Variants in HS3ST4 observed in about 807,000 individuals in gnomAD.
HS3ST4 encodes heparan sulfate-glucosamine 3-sulfotransferase 4, also known as heparan sulfate glucosamine 3-O-sulfotransferase 4.
A neutral mutation model predicts 29.2 loss-of-function variants in HS3ST4; 17 were observed. That is an observed-to-expected ratio of 0.58 (90% confidence interval 0.40 to 0.87). HS3ST4 has a LOEUF of 0.87. Ranked by LOEUF, HS3ST4 falls within the 40% of genes least tolerant of loss-of-function variation. The pLI, the probability that HS3ST4 is intolerant of heterozygous loss-of-function variation, is 0.00. For missense variants in HS3ST4, 627 were observed against 634.5 expected (o/e 0.99, Z 0.13); for synonymous variants, 314 against 285.7 (o/e 1.10, Z -1.00).
chr16:25,811,120 A>G (rs967074837), intron 1 of HS3ST4, among the ~76,000 whole-genome samples: 1 of 152,218 alleles, frequency 6.6e-6, no homozygotes, highest in Admixed American at 6.5e-5. Context: ...AAAATTTCAC[A>G]AATGACTACA....
intron 1 of HS3ST4, among the ~76,000 whole-genome samples, chr16:26,026,457 G>A (rs1475492216): frequency 7.9e-5 from 12 of 152,088 alleles, no homozygotes; most frequent in Admixed American, 7.9e-4. Context: ...CCAATGATCT[G>A]GTTATTCCTA....
intron 1 of HS3ST4, among the ~76,000 whole-genome samples, chr16:26,057,989 A>G (rs758675709): frequency 6.6e-6 from 1 of 150,764 alleles, no homozygotes; most frequent in Non-Finnish European, 1.5e-5. Context: ...GAGAGAATTA[A>G]AATCGAGTTT....
Position 26,084,844 on chromosome 16 carries a change from A to C in HS3ST4, c.735-50768A>C, listed in dbSNP as rs138341573. Reference sequence around the variant, plus strand: ...AGGCTGATCTCAAAATTCTGACCTCAAGTGTTCCCCCTGCCTCAGCCTCCC... The same window carrying C: ...AGGCTGATCTCAAAATTCTGACCTCCAGTGTTCCCCCTGCCTCAGCCTCCC... On this transcript the variant is annotated intron_variant, in intron 1 of 1. Coordinates refer to ENST00000331351, the MANE Select transcript of HS3ST4 (RefSeq NM_006040.3). Among the ~76,000 whole-genome samples the C allele has an allele frequency of 4.1e-3, 619 of 152,000 alleles. 6 individuals carry two copies. Among genetic ancestry groups the C allele is most frequent in the African/African-American group, 0.014 (597 of 41,454 alleles).
intron 1 of HS3ST4, among the ~76,000 whole-genome samples, chr16:25,787,972 G>C (rs535392998): frequency 6.6e-6 from 1 of 152,276 alleles, no homozygotes; most frequent in South Asian, 2.1e-4. Context: ...GAATGTTAAA[G>C]CTGGAAGTGG....
intron 1 of HS3ST4, among the ~76,000 whole-genome samples, chr16:25,976,115 G>A (rs1353279741): frequency 6.6e-6 from 1 of 152,156 alleles, no homozygotes; most frequent in Admixed American, 6.5e-5. Context: ...ATGTAAAACT[G>A]TACCCTCAAC....
chr16:25,836,866 A>G (rs571193857), intron 1 of HS3ST4, among the ~76,000 whole-genome samples: 4 of 152,266 alleles, frequency 2.6e-5, no homozygotes, highest in Non-Finnish European at 5.9e-5. Context: ...TTTATAGTTA[A>G]GGTGACTTCA....
Position 26,136,615 on chromosome 16 carries a change from G to T in HS3ST4, c.*367G>T. On this transcript the variant is annotated 3_prime_UTR_variant, in exon 2 of 2. Coordinates refer to ENST00000331351, the MANE Select transcript of HS3ST4 (RefSeq NM_006040.3). ...CGACAAAAAAGGTCTGCTTTATAGG[G>T]GTTCTCACTCTAGCTTGGGGAGCCA... 1 of 234,630 alleles carries T rather than the reference G, an allele frequency of 4.3e-6. No individual in the cohort carries two copies. The highest frequency in any genetic ancestry group is 8.4e-6 in the Non-Finnish European group (1 of 119,654). The allele number at this position is 234,630 out of a possible 1,614,324, so 14.5% of individuals were successfully genotyped here. A position where few individuals can be genotyped will look rare whatever the true frequency, so the allele number is the denominator to read the frequency against.
intron 1 of HS3ST4, among the ~76,000 whole-genome samples, chr16:25,898,525 A>G (rs1461742402): frequency 6.6e-6 from 1 of 152,224 alleles, no homozygotes; most frequent in Non-Finnish European, 1.5e-5. Flanking sequence ...CATATAGTAT[A>G]CCACGTATGC....
chr16:25,810,390 G>A (rs1000978162), intron 1 of HS3ST4, among the ~76,000 whole-genome samples: 2 of 152,088 alleles, frequency 1.3e-5, no homozygotes, highest in African/African-American at 2.4e-5. Context: ...ATGCCCTTTT[G>A]TAATGAATAT....
intron 1 of HS3ST4, among the ~76,000 whole-genome samples, chr16:25,911,157 G>A (rs780052821): frequency 5.3e-5 from 8 of 152,114 alleles, no homozygotes; most frequent in Non-Finnish European, 1.0e-4. Flanking sequence ...CTCTGAGGCC[G>A]AGTCAACCAG....
intron 1 of HS3ST4, among the ~76,000 whole-genome samples, chr16:25,822,524 A>G (rs1040791665): frequency 6.6e-6 from 1 of 152,148 alleles, no homozygotes; most frequent in African/African-American, 2.4e-5. Flanking sequence ...TTGTGATGAT[A>G]CAAGGACTTC....
chr16:25,692,317 G>A lies in HS3ST4; in HGVS notation c.-101G>A, dbSNP rs1966255741. ...GGGGCGGCTGGGCAGCGGCGGCGGC[G>A]GCGGCGGCGGCGGCGGCGGCGGGGG... On this transcript the variant is annotated 5_prime_UTR_variant, in exon 1 of 2. Transcript: ENST00000331351. The A allele has an allele frequency of 6.6e-6, 1 of 151,700 alleles. No individual in the cohort carries two copies. Among genetic ancestry groups the A allele is most frequent in the Non-Finnish European group, 1.3e-5 (1 of 74,944 alleles). The allele number at this position is 151,700 out of a possible 1,614,324, so 9.4% of individuals were successfully genotyped here. A position where few individuals can be genotyped will look rare whatever the true frequency, so the allele number is the denominator to read the frequency against.
At chr16:25,905,209 G>T (rs984238644) in intron 1 of HS3ST4, among the ~76,000 whole-genome samples, 4 of 152,166 alleles carry the variant, frequency 2.6e-5, no homozygotes, top group Non-Finnish European at 5.9e-5. Flanking sequence ...TGTAGGGAAG[G>T]CCATGCTGGG....
chr16:25,843,183 G>A (rs12149800), intron 1 of HS3ST4, among the ~76,000 whole-genome samples: 10,495 of 152,162 alleles, frequency 0.069, 441 homozygotes, highest in East Asian at 0.14. Flanking sequence ...ACAGTTGTGT[G>A]GGTTACTTTG....
chr16:25,713,286 T>C (rs1480056359), intron 1 of HS3ST4, among the ~76,000 whole-genome samples: 1 of 151,974 alleles, frequency 6.6e-6, no homozygotes, highest in African/African-American at 2.4e-5. Context: ...CCCAGCACTT[T>C]GGGGGCTGAG....
At chr16:26,103,674 C>T (rs527723789) in intron 1 of HS3ST4, among the ~76,000 whole-genome samples, 1 of 152,234 alleles carries the variant, frequency 6.6e-6, no homozygotes, top group South Asian at 2.1e-4. Flanking sequence ...TCAAAATCTC[C>T]CCAGCTTAAT....
intron 1 of HS3ST4, chr16:25,826,121 C>T (rs966404549): frequency 6.6e-6 from 1 of 152,166 alleles, no homozygotes; most frequent in African/African-American, 2.4e-5. Context: ...CTTGTTTTTT[C>T]CTAGAACTTG....
At position 25,758,866 on chromosome 16, in the gene HS3ST4, G is replaced by A. The variant is rs140945001; in HGVS notation, c.734+65715G>A. ...AGCTACTCGGGAGGCTGAGGCATGA[G>A]AATCACTTGAACACGGGAGGCGGAG... On this transcript the variant is annotated intron_variant, in intron 1 of 1. Coordinates refer to ENST00000331351, the MANE Select transcript of HS3ST4 (RefSeq NM_006040.3). Among the ~76,000 whole-genome samples the A allele has an allele frequency of 5.6e-3, 848 of 152,096 alleles. 7 individuals are homozygous for A. Among genetic ancestry groups the A allele is most frequent in the African/African-American group, 0.019 (805 of 41,486 alleles).
chr16:25,876,642 G>C (rs532579288), intron 1 of HS3ST4, among the ~76,000 whole-genome samples: 1 of 152,120 alleles, frequency 6.6e-6, no homozygotes, highest in South Asian at 2.1e-4. Flanking sequence ...TGGAGCTGGG[G>C]GTAGGGTCAT....
Sources: gnomAD v4.1 joint callset for allele counts (sites outside exome capture counted in the v4.1 genomes callset) on GRCh38, gnomAD v4.1.1 for gene constraint, MANE v1.5 for transcripts, NCBI Gene and HGNC (gene_info 2026-07-23, HGNC 2026-07-21) for gene names.